Variants in STMND1 observed in about 807,000 individuals in gnomAD.
STMND1 encodes the protein stathmin domain containing 1.
In STMND1, 17 loss-of-function variants were observed where a neutral mutation model predicts 23.0. The observed-to-expected ratio is 0.74, with a 90% CI of 0.51 to 1.11. The LOEUF (loss-of-function observed/expected upper bound fraction) is 1.11, where lower values mean the gene tolerates loss of function less well. Ranked by LOEUF, STMND1 falls within the 50% of genes least tolerant of loss-of-function variation. The pLI, the probability that STMND1 is intolerant of heterozygous loss-of-function variation, is 0.00. For synonymous variants in STMND1, 114 were observed against 119.9 expected (o/e 0.95, Z 0.32); for missense variants, 305 against 329.1 (o/e 0.93, Z 0.57).
At chr6:17,113,334 G>A (rs1761117545) in intron 1 of STMND1, among the ~76,000 whole-genome samples, 1 of 152,174 alleles carries the variant, frequency 6.6e-6, no homozygotes, top group Non-Finnish European at 1.5e-5. Flanking sequence ...AGAACAGACT[G>A]GAGTTGAAGC....
At chr6:17,113,430 C>G (rs977051574) in intron 1 of STMND1, among the ~76,000 whole-genome samples, 15 of 152,156 alleles carry the variant, frequency 9.9e-5, no homozygotes, top group African/African-American at 3.6e-4. Context: ...GAGACCTACC[C>G]AGATTATCAA....
At position 17,102,262 on chromosome 6, in the gene STMND1, G is replaced by A. The variant is rs1328651734; in HGVS notation, c.5G>A (p.Gly2Asp). The change falls in exon 1 of 5, where the codon GGC (glycine) becomes GAC (aspartate). Residue 2 changes from glycine to aspartate, a missense_variant. By Grantham distance (94) the Gly-to-Asp change is moderately conservative (BLOSUM62 -1). Coordinates refer to ENST00000536551, the MANE Select transcript of STMND1 (RefSeq NM_001190766.2). M[G>D]CGPSQPAEDR... ...GGAGGAGCGCGCGCGCGCAGCATGG[G>A]CTGTGGACCTTCCCAACCTGCTGAA... 5 of 1,535,840 alleles carry A rather than the reference G, an allele frequency of 3.3e-6. No homozygotes were observed. In the South Asian group the frequency reaches 5.9e-5, roughly 18 times the overall value.
chr6:17,127,884 T>C (rs1761331223), intron 3 of STMND1: 6 of 152,194 alleles, frequency 3.9e-5, no homozygotes, highest in Admixed American at 3.9e-4. Context: ...ATTAAGTTAA[T>C]TGAAGAAAGT....
At chr6:17,123,160 C>T (rs1761254338) in intron 3 of STMND1, among the ~76,000 whole-genome samples, 2 of 152,002 alleles carry the variant, frequency 1.3e-5, no homozygotes, top group African/African-American at 4.8e-5. Flanking sequence ...TGCAATGGAG[C>T]CTGCAAGGTT....
At chr6:17,108,064 G>C (rs1201444221) in intron 1 of STMND1, among the ~76,000 whole-genome samples, 1 of 152,170 alleles carries the variant, frequency 6.6e-6, no homozygotes, top group Non-Finnish European at 1.5e-5. Flanking sequence ...TTCTGCTCTG[G>C]TTTATGTTGT....
At chr6:17,115,821 T>C (rs552157616) in intron 2 of STMND1, among the ~76,000 whole-genome samples, 14 of 152,208 alleles carry the variant, frequency 9.2e-5, no homozygotes, top group Non-Finnish European at 1.9e-4. Flanking sequence ...ATCACTGTTA[T>C]TTCTTCTCTA....
At chr6:17,115,736 T>C (rs904043758) in intron 2 of STMND1, among the ~76,000 whole-genome samples, 6 of 152,206 alleles carry the variant, frequency 3.9e-5, no homozygotes, top group African/African-American at 1.4e-4. Flanking sequence ...CGGTCAGCCT[T>C]TGAAACATAT....
intron 2 of STMND1, among the ~76,000 whole-genome samples, chr6:17,115,694 C>A (rs1761150753): frequency 6.6e-6 from 1 of 152,326 alleles, no homozygotes; most frequent in Non-Finnish European, 1.5e-5. Context: ...GAGTTACCGC[C>A]TGGTGTCCAT....
In STMND1 at chr6:17,129,260, T is replaced by C; in HGVS notation, c.543+17T>C. The C allele has an allele frequency of 6.5e-7, 1 of 1,535,268 alleles. No individual in the cohort carries two copies. Among genetic ancestry groups the C allele is most frequent in the Non-Finnish European group, 8.7e-7 (1 of 1,146,504 alleles). On this transcript the variant is annotated intron_variant, in intron 4 of 4. Transcript: ENST00000536551. ...CGCAGGAAGGTAGTGAGCTCTCAGA[T>C]GCTCTAGGCTTGAGGAGTTCGCTGT...
At chr6:17,115,928 G>A (rs1184117277) in intron 2 of STMND1, among the ~76,000 whole-genome samples, 2 of 152,072 alleles carry the variant, frequency 1.3e-5, no homozygotes, top group Admixed American at 6.6e-5. Flanking sequence ...TTTTCTATTC[G>A]CCCTCCCCTT....
intron 1 of STMND1, 49 bp from the exon 2 acceptor site, chr6:17,114,913 T>C (rs541090698): frequency 6.8e-7 from 1 of 1,471,732 alleles, no homozygotes; most frequent in South Asian, 1.4e-5. Context: ...AACATTGTTT[T>C]TATTTACCAA....
chr6:17,112,958 G>T (rs1425557064), intron 1 of STMND1, among the ~76,000 whole-genome samples: 1 of 152,112 alleles, frequency 6.6e-6, no homozygotes, highest in Admixed American at 6.5e-5. Context: ...TTTCATTATA[G>T]TTATCCTAGG....
Position 17,130,720 on chromosome 6 carries a change from T to C in STMND1, c.670T>C (p.Ser224Pro). Residue 224 changes from serine (S) to proline (P), a missense_variant, in exon 5 of 5, where the codon TCT (serine) becomes CCT (proline). Coordinates refer to ENST00000536551, the MANE Select transcript of STMND1 (RefSeq NM_001190766.2). ...TGCCAAAGGACTTCAAAGGGTGAGG[T>C]CTGCTGGATTTGAACCATCTGACCT... is the stretch of plus-strand genomic sequence containing the variant. ...AFAKGLQRVR[S>P]AGFEPSDLQG... 1 of 1,535,982 alleles carries C rather than the reference T, an allele frequency of 6.5e-7. No homozygotes were observed. Among genetic ancestry groups the C allele is most frequent in the East Asian group, 2.4e-5 (1 of 40,914 alleles).
In STMND1 at chr6:17,104,725, T is replaced by C. The variant is rs73725126; in HGVS notation, c.81+2387T>C. Among the ~76,000 whole-genome samples, 460 of 152,332 alleles carry C rather than the reference T, an allele frequency of 3.0e-3. 1 individual carries two copies. The highest frequency in any genetic ancestry group is 0.01 in the African/African-American group (428 of 41,566). ...AAATAAAATCTGATTATCTCAGTCC[T>C]CTTTTGAAAAGAAGTCACCAACCCA... On this transcript the variant is annotated intron_variant, in intron 1 of 4. Transcript: ENST00000536551.
rs145256024 is a variant in STMND1 at position 17,120,789 on chromosome 6, T to C, written c.411+31T>C. 5.7e-4 allele frequency: 835 copies of C among 1,468,198 alleles called. 3 individuals carry two copies. In the African/African-American group the frequency reaches 8.4e-3, roughly 15 times the overall value. 90.9% of individuals were successfully genotyped at this position (1,468,198 alleles called of 1,614,324 possible). A position where few individuals can be genotyped will look rare whatever the true frequency, so the allele number is the denominator to read the frequency against. ...TAATTTTGTAATTAACATTAGCTTA[T>C]AGTTAAAATTAGCAATAGAATATGA... On this transcript the variant is annotated intron_variant, in intron 3 of 4. Coordinates refer to ENST00000536551, the MANE Select transcript of STMND1 (RefSeq NM_001190766.2).
chr6:17,123,685 G>A (rs1338467331), intron 3 of STMND1, among the ~76,000 whole-genome samples: 1 of 152,198 alleles, frequency 6.6e-6, no homozygotes, highest in Non-Finnish European at 1.5e-5. Context: ...CCAAAGCTGG[G>A]AAGGGTTAAA....
chr6:17,116,586 T>C (rs1210165307), intron 2 of STMND1, among the ~76,000 whole-genome samples: 1 of 151,946 alleles, frequency 6.6e-6, no homozygotes, highest in Non-Finnish European at 1.5e-5. Flanking sequence ...ATTACAGGCA[T>C]GCGCCACCAT....
chr6:17,111,790 A>G (rs1030303712), intron 1 of STMND1, among the ~76,000 whole-genome samples: 1 of 152,196 alleles, frequency 6.6e-6, no homozygotes, highest in African/African-American at 2.4e-5. Context: ...TAAAATACAG[A>G]AATTTCTTTC....
intron 1 of STMND1, among the ~76,000 whole-genome samples, chr6:17,111,644 AAATAT>A (rs1350592580): frequency 1.4e-4 from 22 of 152,332 alleles, no homozygotes; most frequent in African/African-American, 2.9e-4. Context: ...CAGGTTACAG[AAATAT>A]AATATAATTT....
Sources: allele counts gnomAD v4.1 joint callset (sites outside exome capture counted in the v4.1 genomes callset), GRCh38; gene constraint gnomAD v4.1.1; transcripts MANE v1.5; gene names NCBI Gene and HGNC (gene_info 2026-07-23, HGNC 2026-07-21).